Variants in ATP13A4 observed in about 807,000 individuals in gnomAD.
The protein encoded by ATP13A4 is probable cation-transporting ATPase 13A4.
In ATP13A4, 114 loss-of-function variants were observed where a neutral mutation model predicts 142.5. The observed-to-expected ratio is 0.80, with a 90% confidence interval of 0.69 to 0.93. The LOEUF (loss-of-function observed/expected upper bound fraction) is 0.93, where lower values mean the gene tolerates loss of function less well. Among genes scored for constraint, ATP13A4 ranks in the 40% least tolerant of loss-of-function variants. The pLI, the probability that ATP13A4 is intolerant of heterozygous loss-of-function variation, is 0.00. For synonymous variants in ATP13A4, 488 were observed against 514.8 expected (o/e 0.95, Z 0.70); for missense variants, 1,392 against 1,454.0 (o/e 0.96, Z 0.69).
intron 8 of ATP13A4, among the ~76,000 whole-genome samples, chr3:193,481,271 A>T (rs1478019405): frequency 2.0e-5 from 3 of 152,176 alleles, no homozygotes; most frequent in Non-Finnish European, 4.4e-5. Context: ...TAACCAGGAA[A>T]AAAACTTATA....
At chr3:193,521,908 G>A (rs1721738917) in intron 1 of ATP13A4, among the ~76,000 whole-genome samples, 3 of 151,812 alleles carry the variant, frequency 2.0e-5, no homozygotes, top group Admixed American at 6.6e-5. Context: ...ACTCCAGCCT[G>A]GGCCACAGAG....
chr3:193,451,897 T>C (rs1029820796), intron 17 of ATP13A4, among the ~76,000 whole-genome samples: 9 of 152,336 alleles, frequency 5.9e-5, no homozygotes, highest in Admixed American at 5.9e-4. Flanking sequence ...ATGGTGCTGA[T>C]GTGCTTTAAG....
At chr3:193,411,942 G>A (rs994573017) in intron 27 of ATP13A4, among the ~76,000 whole-genome samples, 4 of 152,164 alleles carry the variant, frequency 2.6e-5, no homozygotes, top group African/African-American at 4.8e-5. Flanking sequence ...GACACCCAGA[G>A]GCAAACTTCT....
At position 193,467,358 on chromosome 3, in the gene ATP13A4, C is replaced by G. The variant is rs777977179; in HGVS notation, c.1072G>C (p.Ala358Pro). ...FCGTEVIQAK[A>P]ACSGTVRAVV... ...GCTCTCACGGTCCCAGAGCAAGCTGCCTTGGCCTGGATAACCTCTGTTCCA... is the reference window on the plus strand; with the variant it reads ...GCTCTCACGGTCCCAGAGCAAGCTGGCTTGGCCTGGATAACCTCTGTTCCA... Residue 358 changes from alanine (A) to proline (P), a missense_variant, in exon 10 of 30, where the codon GCA becomes CCA. By Grantham distance (27) the Ala-to-Pro change is conservative. Coordinates refer to ENST00000342695, the MANE Select transcript of ATP13A4 (RefSeq NM_032279.4). 10 of 1,614,170 alleles carry G rather than the reference C, an allele frequency of 6.2e-6. No homozygotes were observed.
chr3:193,540,541 A>AC (rs1462469612), intron 1 of ATP13A4, among the ~76,000 whole-genome samples: 2 of 151,292 alleles, frequency 1.3e-5, no homozygotes, highest in African/African-American at 4.8e-5. Flanking sequence ...AAAAAAAAAA[A>AC]AAAAAAAAAA....
Position 193,489,935 on chromosome 3 carries a change from T to C in ATP13A4, c.604-71A>G, listed in dbSNP as rs1001897009. The C allele has an allele frequency of 2.0e-6, 3 of 1,490,404 alleles. No homozygotes were observed. In the African/African-American group the frequency reaches 4.2e-5, roughly 21 times the overall value. The allele number at this position is 1,490,404 out of a possible 1,614,324, so 92.3% of individuals were successfully genotyped here. The stretch of plus-strand genomic sequence containing the variant: ...TTCACTCTGCTCTTCATTTACTTGT[T>C]TTCATAATCATCTTCATGACATACA... On this transcript the variant is annotated intron_variant, in intron 6 of 29. Transcript: ENST00000342695.
At chr3:193,507,928 TC>T (rs1310148272) in intron 2 of ATP13A4, among the ~76,000 whole-genome samples, 7 of 152,288 alleles carry the variant, frequency 4.6e-5, no homozygotes, top group African/African-American at 1.7e-4. Flanking sequence ...TTGAGTTGTG[TC>T]CCCTCAAAAT....
At chr3:193,551,935 GT>G (rs1723598027) in intron 1 of ATP13A4, among the ~76,000 whole-genome samples, 1 of 152,092 alleles carries the variant, frequency 6.6e-6, no homozygotes, top group Non-Finnish European at 1.5e-5. Context: ...TTTAGTTCCT[GT>G]TTGCTTTTGG....
At chr3:193,505,271 A>G (rs917950015) in intron 2 of ATP13A4, among the ~76,000 whole-genome samples, 1 of 152,186 alleles carries the variant, frequency 6.6e-6, no homozygotes, top group Admixed American at 6.5e-5. Context: ...CCTGAAATCA[A>G]GCTGTCACCC....
chr3:193,476,562 C>T (rs1390738727), intron 8 of ATP13A4, among the ~76,000 whole-genome samples: 1 of 152,130 alleles, frequency 6.6e-6, no homozygotes, highest in Non-Finnish European at 1.5e-5. Flanking sequence ...CCTTTGCATT[C>T]ACAACCTGGC....
At chr3:193,563,869 A>G (rs1330796307) in intron 2 of ATP13A4, among the ~76,000 whole-genome samples, 1 of 152,198 alleles carries the variant, frequency 6.6e-6, no homozygotes, top group African/African-American at 2.4e-5. Context: ...TGGCAACCTC[A>G]CTGTCTAACT....
intron 1 of ATP13A4, among the ~76,000 whole-genome samples, chr3:193,521,554 A>C (rs1473893186): frequency 6.6e-6 from 1 of 152,230 alleles, no homozygotes; most frequent in Non-Finnish European, 1.5e-5. Context: ...TAGATAACAC[A>C]ACTTTGGTTG....
In ATP13A4 at chr3:193,502,644, G is replaced by A; in HGVS notation, c.235-5C>T. ...AGAGTAAATTTGGAATTCATCCTGA[G>A]GAGATAGACATCAAAACCCCCAAGA... On this transcript the variant is annotated splice_polypyrimidine_tract_variant and splice_region_variant and intron_variant, in intron 2 of 29. Coordinates refer to ENST00000342695, the MANE Select transcript of ATP13A4 (RefSeq NM_032279.4). The A allele has an allele frequency of 6.2e-7, 1 of 1,613,608 alleles. No individual in the cohort carries two copies. The highest frequency in any genetic ancestry group is 8.5e-7 in the Non-Finnish European group (1 of 1,179,596).
intron 9 of ATP13A4, among the ~76,000 whole-genome samples, chr3:193,467,931 T>A (rs1021337982): frequency 6.6e-6 from 1 of 151,838 alleles, no homozygotes; most frequent in African/African-American, 2.4e-5. Context: ...GTAATCCCAG[T>A]ACTTTGGGAG....
intron 2 of ATP13A4, among the ~76,000 whole-genome samples, chr3:193,570,260 C>T (rs1724230659): frequency 6.6e-6 from 1 of 152,190 alleles, no homozygotes; most frequent in Non-Finnish European, 1.5e-5. Context: ...CTGCAGTGAG[C>T]TGTGATTGTG....
At position 193,514,703 on chromosome 3, in the gene ATP13A4, T is replaced by G. The variant is rs1721315502; in HGVS notation, c.229A>C (p.Thr77Pro). Residue 77 changes from threonine to proline, a missense_variant, in exon 2 of 30, where the codon ACA becomes CCA. Physicochemically the swap from Thr to Pro is conservative, Grantham distance 38. Coordinates refer to ENST00000342695, the MANE Select transcript of ATP13A4 (RefSeq NM_032279.4). ...LQEADTVLLR[T>P]TDEFQIYSWK... is the part of the protein sequence containing the mutation. ...ATAACCAGGTACACACTTACCGTTG[T>G]CCTCAGCAACACAGTGTCTGCTTCT... 5.6e-6 allele frequency: 9 copies of G among 1,614,124 alleles called. No homozygotes were observed. Among genetic ancestry groups the G allele is most frequent in the Non-Finnish European group, 6.8e-6 (8 of 1,180,016 alleles).
chr3:193,414,650 GAGA>G lies in ATP13A4; in HGVS notation c.2940_2942del (p.Leu981del). The stretch of plus-strand genomic sequence containing the variant: ...AGCCTGCAATATGCATGGCCAGGCT[GAGA>G]AGAATGTTGAAAATCACAGAGAGTA... On this transcript the variant is annotated inframe_deletion, in exon 26 of 30. Transcript: ENST00000342695. 1 of 1,614,140 alleles carries G rather than the reference GAGA, an allele frequency of 6.2e-7. No individual in the cohort carries two copies. The highest frequency in any genetic ancestry group is 1.7e-4 in the Middle Eastern group (1 of 6,060).
chr3:193,485,634 C>A (rs1003159629), intron 7 of ATP13A4, among the ~76,000 whole-genome samples: 5 of 152,048 alleles, frequency 3.3e-5, no homozygotes, highest in Non-Finnish European at 7.4e-5. Context: ...TAAAAGACTG[C>A]CACAGTCTGA....
chr3:193,583,269 C>G (rs1008069788), intron 1 of ATP13A4, among the ~76,000 whole-genome samples: 1 of 151,666 alleles, frequency 6.6e-6, no homozygotes, highest in Non-Finnish European at 1.5e-5. Flanking sequence ...CCCGTCTCTA[C>G]TAAAAATACA....
Sources: allele counts gnomAD v4.1 joint callset (sites outside exome capture counted in the v4.1 genomes callset), GRCh38; gene constraint gnomAD v4.1.1; transcripts MANE v1.5; gene names NCBI Gene and HGNC (gene_info 2026-07-23, HGNC 2026-07-21).